SHANK2: variants seen among roughly 807,000 people sequenced by gnomAD.
SHANK2 encodes SH3 and multiple ankyrin repeat domains protein 2.
SHANK2 carries 43 observed loss-of-function variants against 133.7 expected under a neutral mutation model. The ratio of observed to expected loss-of-function variants is 0.32; its 90% confidence interval spans 0.25 to 0.41. The LOEUF is 0.41. Ranked by LOEUF, SHANK2 falls within the 10% of genes least tolerant of loss-of-function variation. The pLI is 1.00. For synonymous variants in SHANK2, 1,017 were observed against 952.8 expected (o/e 1.07, Z -1.24); for missense variants, 1,994 against 2,235.8 (o/e 0.89, Z 2.18).
intron 17 of SHANK2, among the ~76,000 whole-genome samples, chr11:70,568,117 T>C (rs1248437484): frequency 1.3e-5 from 2 of 152,132 alleles, no homozygotes; most frequent in African/African-American, 4.8e-5. Context: ...CTGCCTGCAA[T>C]GGATCCAGTG....
At chr11:70,505,626 G>C (rs1744598901) in intron 17 of SHANK2, among the ~76,000 whole-genome samples, 1 of 152,186 alleles carries the variant, frequency 6.6e-6, no homozygotes, top group Non-Finnish European at 1.5e-5. Flanking sequence ...AACCAAGAAA[G>C]TGCATATTAC....
intron 8 of SHANK2, among the ~76,000 whole-genome samples, chr11:71,085,611 ATAT>A (rs1404422671): frequency 1.5e-4 from 12 of 80,774 alleles, no homozygotes; most frequent in East Asian, 1.1e-3. Flanking sequence ...TATTAAATAT[ATAT>A]TATATTATAT....
intron 6 of SHANK2, among the ~76,000 whole-genome samples, chr11:71,109,177 G>A (rs181714647): frequency 6.6e-6 from 1 of 152,238 alleles, no homozygotes; most frequent in Non-Finnish European, 1.5e-5. Context: ...GGCATACTCT[G>A]CTTTGCATGG....
intron 17 of SHANK2, among the ~76,000 whole-genome samples, chr11:70,629,181 G>A (rs1265097907): frequency 2.0e-5 from 3 of 152,126 alleles, no homozygotes; most frequent in Non-Finnish European, 4.4e-5. Context: ...CACCGGAAGA[G>A]CCTGGCCCCT....
chr11:71,216,060 G>A (rs782010261), intron 2 of SHANK2, among the ~76,000 whole-genome samples: 15 of 151,860 alleles, frequency 9.9e-5, no homozygotes, highest in Non-Finnish European at 2.2e-4. Context: ...TCTGGAACAT[G>A]GTTTGTCCCT....
intron 15 of SHANK2, among the ~76,000 whole-genome samples, chr11:70,682,246 A>G (rs1945045346): frequency 6.6e-6 from 1 of 151,980 alleles, no homozygotes; most frequent in Non-Finnish European, 1.5e-5. Context: ...GGTCCACCCC[A>G]CCCCCGGACG....
At chr11:70,704,117 G>C (rs1242358720) in intron 14 of SHANK2, among the ~76,000 whole-genome samples, 1 of 152,264 alleles carries the variant, frequency 6.6e-6, no homozygotes, top group Non-Finnish European at 1.5e-5. Context: ...GATGGCACAG[G>C]GCTCGGGAGG....
At chr11:71,097,262 G>T (rs1347880464) in intron 6 of SHANK2, among the ~76,000 whole-genome samples, 2 of 152,110 alleles carry the variant, frequency 1.3e-5, no homozygotes, top group African/African-American at 4.8e-5. Flanking sequence ...CGTCCGCTGA[G>T]GTTCCACATT....
chr11:70,775,292 C>G (rs1306387228), intron 14 of SHANK2, among the ~76,000 whole-genome samples: 1 of 152,082 alleles, frequency 6.6e-6, no homozygotes, highest in African/African-American at 2.4e-5. Context: ...CCCGTCTCTA[C>G]TAAAAACATA....
At chr11:70,657,751 A>G (rs1555012000) in intron 17 of SHANK2, among the ~76,000 whole-genome samples, 1 of 152,236 alleles carries the variant, frequency 6.6e-6, no homozygotes, top group African/African-American at 2.4e-5. Flanking sequence ...ACCTGCCCCA[A>G]AATGGCAAAT....
Position 70,473,147 on chromosome 11 carries a change from C to G in SHANK2, c.5272G>C (p.Ala1758Pro). The change falls in exon 26 of 26, where the codon GCG becomes CCG. Residue 1758 changes from alanine to proline, a missense_variant. Ala to Pro is a conservative substitution (Grantham distance 27). Transcript: ENST00000601538. This position sits in a 1 kb window ranked among gnomAD's most constrained non-coding sequence, Gnocchi z 5.9. Reference protein sequence around the residue: ...PSGDLFGLNPAGRSRSPSPSI... With the variant: ...PSGDLFGLNPPGRSRSPSPSI... The stretch of plus-strand genomic sequence containing the variant: ...GGGGATGGCGACCTACTGCGTCCCG[C>G]TGGGTTCAAGCCAAATAGATCCCCA... The G allele has an allele frequency of 6.2e-7, 1 of 1,614,260 alleles. No homozygotes were observed. Among genetic ancestry groups the G allele is most frequent in the Non-Finnish European group, 8.5e-7 (1 of 1,180,050 alleles).
At chr11:70,902,380 G>C (rs1241192255) in intron 10 of SHANK2, among the ~76,000 whole-genome samples, 1 of 152,248 alleles carries the variant, frequency 6.6e-6, no homozygotes, top group Non-Finnish European at 1.5e-5. Context: ...GGAAGATGCA[G>C]AGGGCATCCT....
intron 3 of SHANK2, among the ~76,000 whole-genome samples, chr11:71,124,817 G>C (rs1952152925): frequency 6.6e-6 from 1 of 152,296 alleles, no homozygotes; most frequent in Non-Finnish European, 1.5e-5. Flanking sequence ...CACAGAGAAG[G>C]TGTTTTTGCA....
intron 11 of SHANK2, among the ~76,000 whole-genome samples, chr11:70,846,916 G>A (rs531024539): frequency 3.3e-4 from 51 of 152,318 alleles, no homozygotes; most frequent in Non-Finnish European, 5.1e-4. Context: ...TTCAAGGCCC[G>A]TGGTGCTATT....
intron 14 of SHANK2, among the ~76,000 whole-genome samples, chr11:70,702,756 A>T (rs138519274): frequency 1.3e-5 from 2 of 152,338 alleles, no homozygotes; most frequent in African/African-American, 4.8e-5. Flanking sequence ...AAGTAAGCAG[A>T]TTTCTTGTCC....
At chr11:71,059,772 C>T (rs1215031419) in intron 9 of SHANK2, among the ~76,000 whole-genome samples, 4 of 152,296 alleles carry the variant, frequency 2.6e-5, no homozygotes, top group Admixed American at 6.5e-5. Context: ...TAGTAAAGGC[C>T]GCCCCGTCTC....
intron 14 of SHANK2, among the ~76,000 whole-genome samples, chr11:70,767,268 C>T (rs1947141801): frequency 1.3e-5 from 2 of 152,146 alleles, no homozygotes; most frequent in African/African-American, 2.4e-5. Context: ...GCTCAAGATC[C>T]CAGAATGTAA....
At chr11:70,798,002 C>T (rs1282489486) in intron 14 of SHANK2, among the ~76,000 whole-genome samples, 3 of 152,154 alleles carry the variant, frequency 2.0e-5, no homozygotes, top group Non-Finnish European at 4.4e-5. Flanking sequence ...AATGGCTTCC[C>T]GTCGGAACAC....
chr11:70,876,237 C>CATAT (rs1555071253), intron 11 of SHANK2, among the ~76,000 whole-genome samples: 14,082 of 147,392 alleles, frequency 0.096, 744 homozygotes, highest in African/African-American at 0.12. Context: ...CACACACACA[C>CATAT]ATATAGACAC....
Sources: gnomAD v4.1 joint callset for allele counts (sites outside exome capture counted in the v4.1 genomes callset) on GRCh38, gnomAD v4.1.1 for gene constraint, Gnocchi (gnomAD v3.1) non-coding constraint, MANE v1.5 for transcripts, NCBI Gene and HGNC (gene_info 2026-07-23, HGNC 2026-07-21) for gene names.